The following NTRK3 variants were observed in gnomAD, a reference collection of about 807,000 sequenced individuals.
NTRK3 encodes neurotrophic receptor tyrosine kinase 3, also known as NT-3 growth factor receptor.
NTRK3 carries 24 observed loss-of-function variants against 91.7 expected under a neutral mutation model. That is an observed-to-expected ratio of 0.26 (90% CI 0.19 to 0.37). The LOEUF is 0.37. NTRK3 is among the 10% of genes least tolerant of loss of function. The probability of loss-of-function intolerance (pLI) is 1.00; values close to 1 mark genes in which losing one functional copy is unlikely to be tolerated. For synonymous variants in NTRK3, 483 were observed against 404.0 expected, an observed-to-expected ratio of 1.20 and a Z score of -2.34; for missense variants, 880 against 1,068.9, an observed-to-expected ratio of 0.82 and a Z score of 2.46.
chr15:87,937,447 G>A (rs984046057), intron 15 of NTRK3, among the ~76,000 whole-genome samples: 20 of 152,104 alleles, frequency 1.3e-4, no homozygotes, highest in African/African-American at 2.9e-4. Flanking sequence ...GTAAAAATCC[G>A]AGATTCTGCA....
chr15:88,225,663 G>C (rs2050608256), intron 3 of NTRK3, among the ~76,000 whole-genome samples: 1 of 152,132 alleles, frequency 6.6e-6, no homozygotes. Flanking sequence ...ACAATTATCA[G>C]TACAAGCCAG....
intron 17 of NTRK3, among the ~76,000 whole-genome samples, chr15:87,916,839 G>A (rs939744588): frequency 6.6e-6 from 1 of 150,916 alleles, no homozygotes; most frequent in Non-Finnish European, 1.5e-5. Context: ...TCGGCTCACT[G>A]CAACCTCTGC....
chr15:88,176,885 A>T (rs938966279), intron 5 of NTRK3, among the ~76,000 whole-genome samples: 1 of 152,240 alleles, frequency 6.6e-6, no homozygotes. Flanking sequence ...ATTCAGCCAC[A>T]TGACGGAATA....
intron 3 of NTRK3, among the ~76,000 whole-genome samples, chr15:88,202,936 A>G (rs2048427541): frequency 6.6e-6 from 1 of 152,184 alleles, no homozygotes; most frequent in Non-Finnish European, 1.5e-5. Context: ...GACACTGCAA[A>G]TCTTGCCAAG....
chr15:87,947,077 C>T (rs1478550989), intron 14 of NTRK3, among the ~76,000 whole-genome samples: 4 of 152,000 alleles, frequency 2.6e-5, no homozygotes, highest in African/African-American at 7.3e-5. Context: ...TGGCATTTCA[C>T]CATGTTGGCC....
At chr15:88,197,094 C>CAAAAAAAAAAAA (rs59553739) in intron 3 of NTRK3, among the ~76,000 whole-genome samples, 1 of 56,582 alleles carries the variant, frequency 1.8e-5, no homozygotes, top group African/African-American at 4.8e-5. Flanking sequence ...TTGAGCAGGA[C>CAAAAAAAAAAAA]AAAAAAAAAA....
At chr15:88,246,089 C>T (rs958065602) in intron 3 of NTRK3, among the ~76,000 whole-genome samples, 1 of 152,152 alleles carries the variant, frequency 6.6e-6, no homozygotes, top group African/African-American at 2.4e-5. Context: ...AGCTCCACAC[C>T]CACCCCAAAA....
chr15:88,130,198 G>C (rs978848592), intron 10 of NTRK3, among the ~76,000 whole-genome samples: 4 of 152,072 alleles, frequency 2.6e-5, no homozygotes, highest in African/African-American at 9.7e-5. Context: ...TGAATTACCA[G>C]CCATAGAACA....
At chr15:88,139,236 T>G (rs932970224) in intron 6 of NTRK3, among the ~76,000 whole-genome samples, 1 of 152,172 alleles carries the variant, frequency 6.6e-6, no homozygotes, top group Admixed American at 6.5e-5. Context: ...AATGGGATTA[T>G]TAAGGAGACA....
chr15:87,984,521 G>A (rs1444394026), intron 14 of NTRK3, among the ~76,000 whole-genome samples: 1 of 152,232 alleles, frequency 6.6e-6, no homozygotes, highest in East Asian at 1.9e-4. Flanking sequence ...CGAGGTGAGT[G>A]AGCCCCAAAC....
At chr15:88,098,819 C>CA (rs1567399385) in intron 13 of NTRK3, among the ~76,000 whole-genome samples, 2 of 151,994 alleles carry the variant, frequency 1.3e-5, no homozygotes, top group Non-Finnish European at 2.9e-5. Context: ...ATCTTGGGCC[C>CA]AAAATCAAGG....
intron 3 of NTRK3, among the ~76,000 whole-genome samples, chr15:88,242,094 C>T (rs2052412509): frequency 6.6e-6 from 1 of 152,194 alleles, no homozygotes. Context: ...TAGCCACCTG[C>T]GCATGGACAC....
chr15:88,247,850 G>A (rs1235759337), intron 3 of NTRK3, among the ~76,000 whole-genome samples: 5 of 152,204 alleles, frequency 3.3e-5, no homozygotes, highest in East Asian at 1.9e-4. Flanking sequence ...GTAGAGAGGC[G>A]GGGTAAGGTC....
chr15:88,180,434 G>A (rs2046352609), intron 5 of NTRK3, among the ~76,000 whole-genome samples: 1 of 152,180 alleles, frequency 6.6e-6, no homozygotes. Context: ...AAACCATGAC[G>A]TAAGGCCCAA....
chr15:88,170,983 C>T (rs1202946328), intron 5 of NTRK3, among the ~76,000 whole-genome samples: 1 of 152,188 alleles, frequency 6.6e-6, no homozygotes, highest in African/African-American at 2.4e-5. Flanking sequence ...TATAAACCAG[C>T]CCTCCAGATG....
chr15:88,121,582 T>G (rs2052708698), intron 13 of NTRK3, among the ~76,000 whole-genome samples: 1 of 152,228 alleles, frequency 6.6e-6, no homozygotes, highest in Admixed American at 6.5e-5. Flanking sequence ...AGTTAGTTGT[T>G]AAAATGCTGA....
intron 14 of NTRK3, among the ~76,000 whole-genome samples, chr15:88,024,644 C>A (rs1373381291): frequency 6.6e-6 from 1 of 152,128 alleles, no homozygotes; most frequent in Non-Finnish European, 1.5e-5. Flanking sequence ...CAGCTGAATG[C>A]ACATCTATAG....
chr15:87,993,948 A>G (rs559521016), intron 14 of NTRK3, among the ~76,000 whole-genome samples: 8 of 152,330 alleles, frequency 5.3e-5, no homozygotes, highest in South Asian at 2.1e-4. Flanking sequence ...AAATACCTAA[A>G]TATCAATCTT....
chr15:87,862,206 A>C (rs995074953), exon 19 of NTRK3: 1 of 222,150 alleles, frequency 4.5e-6, no homozygotes, highest in Non-Finnish European at 9.0e-6. Context: ...AATGAGATTC[A>C]CTCAAGAGGA....
Sources: gnomAD v4.1 joint callset for allele counts (sites outside exome capture counted in the v4.1 genomes callset) on GRCh38, gnomAD v4.1.1 for gene constraint, MANE v1.5 for transcripts, NCBI Gene and HGNC (gene_info 2026-07-23, HGNC 2026-07-21) for gene names.